EOMES: variants seen among roughly 807,000 people sequenced by gnomAD.
The protein encoded by EOMES is eomesodermin homolog.
A neutral mutation model predicts 61.0 loss-of-function variants in EOMES; 18 were observed. That is an observed-to-expected ratio of 0.30 (90% CI 0.20 to 0.44). The LOEUF is 0.44. Among genes scored for constraint, EOMES ranks in the 20% least tolerant of loss-of-function variants. The probability of loss-of-function intolerance (pLI) is 1.00; values close to 1 mark genes in which losing one functional copy is unlikely to be tolerated. For missense variants in EOMES, 885 were observed against 939.2 expected (o/e 0.94, Z 0.75); for synonymous variants, 430 against 394.0 (o/e 1.09, Z -1.08).
chr3:27,718,870 G>T lies in EOMES; in HGVS notation c.1182C>A (p.His394Gln). The T allele has an allele frequency of 6.2e-7, 1 of 1,613,708 alleles. No individual in the cohort carries two copies. Among genetic ancestry groups the T allele is most frequent in the Non-Finnish European group, 8.5e-7 (1 of 1,179,636 alleles). Residue 394 changes from histidine to glutamine, a missense_variant, in exon 4 of 6, where the codon CAC becomes CAA. His to Gln is a conservative substitution (Grantham distance 24). This residue lies in a region of EOMES where 177 missense variants were observed against 273.3 expected (regional missense o/e 0.65). Transcript: ENST00000449599. ...NTQMIVLQSLHKYQPRLHIVE... is the reference protein window; with the variant it reads ...NTQMIVLQSLQKYQPRLHIVE... ...CAATATGCAGTCGGGGTTGGTATTT[G>T]TGTAAGGATTGTAAGACTATCATCT...
upstream of EOMES, chr3:27,722,435 G>C (rs1002833728): frequency 2.9e-6 from 4 of 1,368,950 alleles, no homozygotes; most frequent in East Asian, 3.1e-5. Flanking sequence ...CCCACCTGCC[G>C]ACTCGCGGGC....
At chr3:27,719,318 A>C in intron 3 of EOMES, 42 bp downstream of exon 3, 1 of 1,602,062 alleles carries the variant, frequency 6.2e-7, no homozygotes, top group Non-Finnish European at 8.5e-7. Flanking sequence ...AAAGCCTTAT[A>C]GTCAAAGCCA....
chr3:27,719,450 A>C lies in EOMES; in HGVS notation c.1068T>G (p.Pro356=), dbSNP rs752221428. The stretch of plus-strand genomic sequence containing the variant: ...GTCTCATCCAGTGGGAACCAGTATT[A>C]GGAGACTCTGGGTGAACATACATTT... ...GNKMYVHPES[P]NTGSHWMRQE... is the part of the protein sequence containing the mutation. Residue 356 remains proline, a synonymous_variant, in exon 3 of 6, where the codon CCT becomes CCG. Coordinates refer to ENST00000449599, the MANE Select transcript of EOMES (RefSeq NM_001278182.2). 5 of 1,613,386 alleles carry C rather than the reference A, an allele frequency of 3.1e-6. No individual in the cohort carries two copies. The highest frequency in any genetic ancestry group is 2.5e-6 in the Non-Finnish European group (3 of 1,179,292).
chr3:27,721,762 G>A lies in EOMES; in HGVS notation c.533C>T (p.Pro178Leu), dbSNP rs752465745. The change falls in exon 1 of 6, where the codon CCG (proline) becomes CTG (leucine). Residue 178 changes from proline to leucine, a missense_variant. This residue lies in a region of EOMES where 449 missense variants were observed against 383.6 expected (regional missense o/e 1.17). Coordinates refer to ENST00000449599, the MANE Select transcript of EOMES (RefSeq NM_001278182.2). The surrounding 1 kb of genome is among the most constrained non-coding windows in gnomAD (Gnocchi z 7.4). Reference protein sequence around the residue: ...AAGAPHGPVYPAPNGARYPYG... With the variant: ...AAGAPHGPVYLAPNGARYPYG... ...GGGGTAGCGCGCCCCGTTAGGAGCC[G>A]GGTACACAGGTCCGTGGGGCGCCCC... 2 of 1,494,492 alleles carry A rather than the reference G, an allele frequency of 1.3e-6. No individual in the cohort carries two copies. Among genetic ancestry groups the A allele is most frequent in the Non-Finnish European group, 1.8e-6 (2 of 1,133,906 alleles). 92.6% of individuals were successfully genotyped at this position (1,494,492 alleles called of 1,614,324 possible).
At position 27,716,884 on chromosome 3, in the gene EOMES, GGTTT is replaced by G; in HGVS notation, c.*182_*185del. 1.8e-6 allele frequency: 1 copy of G among 562,386 alleles called. No individual in the cohort carries two copies. Among genetic ancestry groups the G allele is most frequent in the Non-Finnish European group, 3.1e-6 (1 of 319,646 alleles). 34.8% of individuals were successfully genotyped at this position (562,386 alleles called of 1,614,324 possible). A position where few individuals can be genotyped will look rare whatever the true frequency, so the allele number is the denominator to read the frequency against. On this transcript the variant is annotated 3_prime_UTR_variant, in exon 6 of 6. Coordinates refer to ENST00000449599, the MANE Select transcript of EOMES (RefSeq NM_001278182.2). ...TTAATCTTATTTTTTAAAAATGCTA[GGTTT>G]GTTTCAGTTACCTGCAGCAATCAAA...
Position 27,717,844 on chromosome 3 carries a change from A to C in EOMES, c.1380-36T>G, listed in dbSNP as rs1559926296. ...AAGAGAAACACTTAAAAAAAAAAAAAAACCCTAATGTTGTCCCCAAACAAA... is the reference window on the plus strand; with the variant it reads ...AAGAGAAACACTTAAAAAAAAAAAACAACCCTAATGTTGTCCCCAAACAAA... On this transcript the variant is annotated intron_variant, in intron 5 of 5. Coordinates refer to ENST00000449599, the MANE Select transcript of EOMES (RefSeq NM_001278182.2). The surrounding 1 kb of genome is among the most constrained non-coding windows in gnomAD (Gnocchi z 4.5). The C allele has an allele frequency of 2.1e-6, 3 of 1,445,502 alleles. No homozygotes were observed. The highest frequency in any genetic ancestry group is 2.8e-5 in the South Asian group (2 of 70,512). 89.5% of individuals were successfully genotyped at this position (1,445,502 alleles called of 1,614,324 possible).
rs1191925806 is a variant in EOMES, at chr3:27,721,688, G to C, written c.607C>G (p.Pro203Ala). The change falls in exon 1 of 6, where the codon CCC (proline) becomes GCC (alanine). Residue 203 changes from proline (P) to alanine (A), a missense_variant. Physicochemically the swap from Pro to Ala is conservative, Grantham distance 27 (BLOSUM62 -1). This residue lies in a region of EOMES where 449 missense variants were observed against 383.6 expected (regional missense o/e 1.17). Coordinates refer to ENST00000449599, the MANE Select transcript of EOMES (RefSeq NM_001278182.2). This position sits in a 1 kb window ranked among gnomAD's most constrained non-coding sequence, Gnocchi z 7.4. The stretch of plus-strand genomic sequence containing the variant: ...CCTGGGCCGAACTGCGCCCTCCCGG[G>C]TGGGCACACAGCCGCGGGGAAGCCG... ...PGGFPAAVCP[P>A]GRAQFGPGAG... The C allele has an allele frequency of 1.4e-5, 21 of 1,520,156 alleles. No homozygotes were observed. The East Asian group carries it at 5.3e-4, about 39-fold the overall frequency. 94.2% of individuals were successfully genotyped at this position (1,520,156 alleles called of 1,614,324 possible).
rs746775357 is a variant in EOMES, at chr3:27,717,630, C to T, written c.1558G>A (p.Gly520Ser). The T allele has an allele frequency of 8.7e-6, 14 of 1,613,848 alleles. No homozygotes were observed. The South Asian group carries it at 8.8e-5, about 10-fold the overall frequency. The change falls in exon 6 of 6, where the codon GGC becomes AGC. Residue 520 changes from glycine (G) to serine (S), a missense_variant. Physicochemically the swap from Gly to Ser is moderately conservative, Grantham distance 56. Coordinates refer to ENST00000449599, the MANE Select transcript of EOMES (RefSeq NM_001278182.2). This position sits in a 1 kb window ranked among gnomAD's most constrained non-coding sequence, Gnocchi z 4.5. ...NGERTVPQTN[G>S]LLSPQQSEEV... The stretch of plus-strand genomic sequence containing the variant: ...TCGCTCTGTTGGGGTGAAAGGAGGC[C>T]GTTGGTCTGTGGCACGGTTCTCTCG...
chr3:27,722,191 T>TGGCCAGCGC lies in EOMES; in HGVS notation c.95_103dup (p.Gly34_His35insArgAlaGly). On this transcript the variant is annotated inframe_insertion, in exon 1 of 6. Transcript: ENST00000449599. The stretch of plus-strand genomic sequence containing the variant: ...AGGAGAGGGGGCCGCGCTGGGGAGG[T>TGGCCAGCGC]GGCCAGCGCTCCCGCCGCTGCCGCC... 1 of 1,597,942 alleles carries TGGCCAGCGC rather than the reference T, an allele frequency of 6.3e-7. No individual in the cohort carries two copies. The highest frequency in any genetic ancestry group is 1.1e-5 in the South Asian group (1 of 88,634).
chr3:27,717,920 G>T lies in EOMES; in HGVS notation c.1380-112C>A. On this transcript the variant is annotated intron_variant, in intron 5 of 5. Coordinates refer to ENST00000449599, the MANE Select transcript of EOMES (RefSeq NM_001278182.2). This position sits in a 1 kb window ranked among gnomAD's most constrained non-coding sequence, Gnocchi z 4.5. ...TGTGTTGGTTATCTACACCGAAAGT[G>T]CTGGTCTGTTGGGCTGAAAGAACAG... 1 of 779,068 alleles carries T rather than the reference G, an allele frequency of 1.3e-6. No homozygotes were observed. Among genetic ancestry groups the T allele is most frequent in the Non-Finnish European group, 2.0e-6 (1 of 507,502 alleles). 48.3% of individuals were successfully genotyped at this position (779,068 alleles called of 1,614,324 possible).
rs1271768195 is a variant in EOMES, at chr3:27,721,740, G to A, written c.555C>T (p.Tyr185=). 7.4e-6 allele frequency: 11 copies of A among 1,485,456 alleles called. No homozygotes were observed. Among genetic ancestry groups the A allele is most frequent in the South Asian group, 1.4e-5 (1 of 72,904 alleles). The allele number at this position is 1,485,456 out of a possible 1,614,324, so 92.0% of individuals were successfully genotyped here. A position where few individuals can be genotyped will look rare whatever the true frequency, so the allele number is the denominator to read the frequency against. ...CGGGGGGCAGCATGGAGCCGTAGGG[G>A]TAGCGCGCCCCGTTAGGAGCCGGGT... The part of the protein sequence containing the change: ...PVYPAPNGAR[Y]PYGSMLPPGG... Residue 185 remains tyrosine, a synonymous_variant, in exon 1 of 6, where the codon TAC becomes TAT. Transcript: ENST00000449599. The surrounding 1 kb of genome is among the most constrained non-coding windows in gnomAD (Gnocchi z 7.4).
In EOMES at chr3:27,722,268, C is replaced by A; in HGVS notation, c.27G>T (p.Val9=). The A allele has an allele frequency of 6.3e-7, 1 of 1,597,520 alleles. No individual in the cohort carries two copies. The highest frequency in any genetic ancestry group is 8.5e-7 in the Non-Finnish European group (1 of 1,173,508). MQLGEQLL[V]SSVNLPGAHF... ...GCGCGCCAGGCAGGTTCACTGAGCT[C>A]ACCAAGAGCTGCTCCCCTAACTGCA... The change falls in exon 1 of 6, where the codon GTG becomes GTT. Residue 9 remains valine, a synonymous_variant. Coordinates refer to ENST00000449599, the MANE Select transcript of EOMES (RefSeq NM_001278182.2).
rs753570106 is a variant in EOMES, at chr3:27,719,411, G to T, written c.1107C>A (p.Phe369Leu). ...GSHWMRQEIS[F>L]GKLKLTNNKG... ...TGTTATTGGTGAGTTTTAATTTCCC[G>T]AATGAAATCTCCTGTCTCATCCAGT... The change falls in exon 3 of 6, where the codon TTC (phenylalanine) becomes TTA (leucine). Residue 369 changes from phenylalanine (F) to leucine (L), a missense_variant. By Grantham distance (22) the Phe-to-Leu change is conservative. Transcript: ENST00000449599. 2.5e-6 allele frequency: 4 copies of T among 1,613,198 alleles called. No homozygotes were observed. Among genetic ancestry groups the T allele is most frequent in the Non-Finnish European group, 2.5e-6 (3 of 1,179,206 alleles).
intron 1 of EOMES, 72 bp from the exon 2 acceptor site, chr3:27,720,397 G>T (rs1368916827): frequency 5.6e-5 from 76 of 1,349,532 alleles, no homozygotes; most frequent in Non-Finnish European, 7.0e-5. Flanking sequence ...GGCCCCAGCG[G>T]GTTCCCCAGA....
Position 27,717,702 on chromosome 3 carries a change from GGAA to G in EOMES, c.1483_1485del (p.Phe495del). The G allele has an allele frequency of 1.9e-6, 3 of 1,614,054 alleles. No homozygotes were observed. Among genetic ancestry groups the G allele is most frequent in the Non-Finnish European group, 2.5e-6 (3 of 1,180,008 alleles). On this transcript the variant is annotated inframe_deletion, in exon 6 of 6. Transcript: ENST00000449599. This position sits in a 1 kb window ranked among gnomAD's most constrained non-coding sequence, Gnocchi z 4.5. ...GGTAAAGTGTTGACAAAGGGCTCCG[GGAA>G]GAAGGATTGAACGCCGTACCGACCT...
chr3:27,722,568 C>G, upstream of EOMES: 1 of 1,260,604 alleles, frequency 7.9e-7, no homozygotes, highest in Non-Finnish European at 9.9e-7. Context: ...CCTCGTACCT[C>G]TTGCTCCTCA....
chr3:27,720,352 A>G (rs1339065919), intron 1 of EOMES, 27 bp from the exon 2 acceptor site: 1 of 1,610,146 alleles, frequency 6.2e-7, no homozygotes, highest in Admixed American at 1.7e-5. Flanking sequence ...AATCAGAAAA[A>G]TCGATTTTAA....
rs1306296612 is a variant in EOMES, at chr3:27,722,022, G to A, written c.273C>T (p.Ser91=). The change falls in exon 1 of 6, where the codon AGC becomes AGT. Residue 91 remains serine, a synonymous_variant. Coordinates refer to ENST00000449599, the MANE Select transcript of EOMES (RefSeq NM_001278182.2). ...GCCCCGGCTTGGCCACTGCCGCAGC[G>A]CTGGCAAATGCGTCCCCGGCGTCGG... ...SDTDAGDAFA[S]AAAVAKPGPP... 4 of 1,524,672 alleles carry A rather than the reference G, an allele frequency of 2.6e-6. No homozygotes were observed. The South Asian group carries it at 3.7e-5, about 14-fold the overall frequency. The allele number at this position is 1,524,672 out of a possible 1,614,324, so 94.4% of individuals were successfully genotyped here.
chr3:27,720,351 A>C lies in EOMES; in HGVS notation c.882-26T>G, dbSNP rs778134878. ...CTGTGCAAGGGAATAGAATCAGAAA[A>C]ATCGATTTTAATTGGGATGTCCTAG... On this transcript the variant is annotated intron_variant, in intron 1 of 5. Transcript: ENST00000449599. 8 of 1,609,914 alleles carry C rather than the reference A, an allele frequency of 5.0e-6. 1 individual carries two copies. In the Admixed American group the frequency reaches 1.3e-4, roughly 27 times the overall value.
Sources: allele counts gnomAD v4.1 joint callset, GRCh38; gene constraint gnomAD v4.1.1; regional missense constraint gnomAD v4.1.1; non-coding constraint Gnocchi (gnomAD v3.1); transcripts MANE v1.5; gene names NCBI Gene and HGNC (gene_info 2026-07-23, HGNC 2026-07-21).